Variants in PHF20 observed in about 807,000 individuals in gnomAD.
PHF20 encodes the protein PHD finger protein 20.
In PHF20, 23 loss-of-function variants were observed where a neutral mutation model predicts 113.5. The observed-to-expected ratio is 0.20, with a 90% CI of 0.15 to 0.29. PHF20 has a LOEUF of 0.29. PHF20 is among the 10% of genes least tolerant of loss of function. The probability of loss-of-function intolerance (pLI) is 1.00; values close to 1 mark genes in which losing one functional copy is unlikely to be tolerated. For missense variants in PHF20, 943 were observed against 1,219.6 expected, an observed-to-expected ratio of 0.77 and a Z score of 3.38; for synonymous variants, 434 against 457.3, an observed-to-expected ratio of 0.95 and a Z score of 0.65.
intron 13 of PHF20, among the ~76,000 whole-genome samples, chr20:35,919,807 A>G (rs891697280): frequency 2.0e-5 from 3 of 152,184 alleles, no homozygotes; most frequent in Admixed American, 6.5e-5. Flanking sequence ...TTTAGAAAAC[A>G]CTTTTATTTT....
chr20:35,866,881 GA>G (rs567367217), intron 6 of PHF20, among the ~76,000 whole-genome samples: 59 of 152,142 alleles, frequency 3.9e-4, no homozygotes, highest in Non-Finnish European at 8.1e-4. Flanking sequence ...ATTTAATATA[GA>G]AGGGATGTTT....
intron 6 of PHF20, 91 bp downstream of exon 6, chr20:35,863,491 G>A (rs772655513): frequency 9.8e-5 from 125 of 1,273,976 alleles, no homozygotes; most frequent in Non-Finnish European, 1.1e-4. Context: ...TACGTCAATC[G>A]TTTATTTTTG....
intron 2 of PHF20, among the ~76,000 whole-genome samples, chr20:35,804,010 A>G (rs115786908): frequency 6.6e-6 from 1 of 151,814 alleles, no homozygotes; most frequent in African/African-American, 2.4e-5. Context: ...TAACTTCTGT[A>G]TAGAGTTTTA....
chr20:35,775,115 A>G (rs2041145362), intron 1 of PHF20: 1 of 152,154 alleles, frequency 6.6e-6, no homozygotes, highest in Admixed American at 6.6e-5. Context: ...ACTGCCGTAC[A>G]GTGCACCCTT....
chr20:35,902,880 C>T (rs1160383240), intron 10 of PHF20, among the ~76,000 whole-genome samples: 3 of 152,106 alleles, frequency 2.0e-5, no homozygotes, highest in African/African-American at 7.2e-5. Context: ...CTCTTTATCT[C>T]AGTGAAAGCA....
At chr20:35,911,235 G>A (rs1279233878) in intron 10 of PHF20, among the ~76,000 whole-genome samples, 2 of 151,598 alleles carry the variant, frequency 1.3e-5, no homozygotes, top group Non-Finnish European at 2.9e-5. Context: ...GTAGAGACAG[G>A]GTTTTACCAT....
At chr20:35,805,473 C>T (rs2041864521) in intron 2 of PHF20, among the ~76,000 whole-genome samples, 1 of 151,236 alleles carries the variant, frequency 6.6e-6, no homozygotes, top group South Asian at 2.1e-4. Flanking sequence ...AGCTCCGCCT[C>T]CCGGGTTCAC....
intron 10 of PHF20, among the ~76,000 whole-genome samples, chr20:35,903,672 A>G (rs2055146198): frequency 6.6e-6 from 1 of 152,200 alleles, no homozygotes; most frequent in South Asian, 2.1e-4. Context: ...GAACTAGACC[A>G]TCCATCTTGC....
chr20:35,899,144 A>G (rs1326727230), intron 9 of PHF20, among the ~76,000 whole-genome samples: 1 of 152,102 alleles, frequency 6.6e-6, no homozygotes. Context: ...TTTAAAATAA[A>G]CATGTTGATT....
intron 5 of PHF20, among the ~76,000 whole-genome samples, chr20:35,860,256 T>TC (rs570078698): frequency 0.054 from 8,112 of 150,554 alleles, 289 homozygotes; most frequent in South Asian, 0.19. Context: ...TTTTTTTTTT[T>TC]TTGAGATGGA....
intron 10 of PHF20, among the ~76,000 whole-genome samples, chr20:35,912,285 G>A (rs79782907): frequency 0.016 from 2,500 of 152,194 alleles, 133 homozygotes; most frequent in East Asian, 0.12. Flanking sequence ...GCAATGACTG[G>A]ATTTTTCAAT....
chr20:35,946,851 A>G (rs1041959082), intron 17 of PHF20, among the ~76,000 whole-genome samples: 1 of 152,146 alleles, frequency 6.6e-6, no homozygotes, highest in Non-Finnish European at 1.5e-5. Flanking sequence ...CTGGGACTAC[A>G]GACGGGCACC....
intron 1 of PHF20, among the ~76,000 whole-genome samples, chr20:35,783,298 T>A (rs1028697964): frequency 1.3e-5 from 2 of 152,252 alleles, no homozygotes; most frequent in Admixed American, 6.5e-5. Context: ...TTATTACTTT[T>A]GTTTTATTCC....
At chr20:35,775,210 G>A (rs1170632032) in intron 1 of PHF20, among the ~76,000 whole-genome samples, 1 of 152,074 alleles carries the variant, frequency 6.6e-6, no homozygotes, top group Non-Finnish European at 1.5e-5. Flanking sequence ...TTCTGATTTG[G>A]TAGATCTAGG....
chr20:35,848,858 T>TAA (rs11472341), intron 4 of PHF20, among the ~76,000 whole-genome samples: 32,616 of 133,060 alleles, frequency 0.25, 3,990 homozygotes, highest in South Asian at 0.39. Flanking sequence ...CTCTGTCTCT[T>TAA]AAAAAAAAAA....
At chr20:35,871,890 A>T in intron 9 of PHF20, 61 bp downstream of exon 9, 1 of 1,257,864 alleles carries the variant, frequency 7.9e-7, no homozygotes, top group South Asian at 1.7e-5. Flanking sequence ...TGCTTTGTGA[A>T]CTAAAAAAAA....
chr20:35,906,118 CTGTT>C (rs1172634512), intron 10 of PHF20, among the ~76,000 whole-genome samples: 3 of 152,204 alleles, frequency 2.0e-5, no homozygotes, highest in African/African-American at 7.2e-5. Context: ...ATTGCTACAT[CTGTT>C]TGAGTCGTGC....
rs747414056 is a variant in PHF20 at position 35,863,253 on chromosome 20, A to G, written c.661A>G (p.Lys221Glu). 6.2e-7 allele frequency: 1 copy of G among 1,614,188 alleles called. No individual in the cohort carries two copies. The change falls in exon 6 of 18, where the codon AAG (lysine) becomes GAG (glutamate). Residue 221 changes from lysine to glutamate, a missense_variant. By Grantham distance (56) the Lys-to-Glu change is moderately conservative. Transcript: ENST00000374012. Reference protein sequence around the residue: ...KSLPKNEKEDKENISENDREY... With the variant: ...KSLPKNEKEDEENISENDREY... ...TCTTCCCAAGAACGAGAAGGAAGAC[A>G]AGGAAAACATTTCCGAAAATGACAG...
Position 35,781,095 on chromosome 20 carries a change from C to T in PHF20, c.-33+9016C>T, listed in dbSNP as rs371404825. 9.9e-5 allele frequency among the ~76,000 whole-genome samples: 15 copies of T among 151,684 alleles called. 1 individual carries two copies. The East Asian group carries it at 2.1e-3, about 22-fold the overall frequency. ...CTCGAACCCCTGACCTCAGGTGCTC[C>T]ACCCACCTCGGCCTAAAGTGCTGGG... On this transcript the variant is annotated intron_variant, in intron 1 of 17. Coordinates refer to ENST00000374012, the MANE Select transcript of PHF20 (RefSeq NM_016436.5).
Sources: gnomAD v4.1 joint callset for allele counts (sites outside exome capture counted in the v4.1 genomes callset) on GRCh38, gnomAD v4.1.1 for gene constraint, MANE v1.5 for transcripts, NCBI Gene and HGNC (gene_info 2026-07-23, HGNC 2026-07-21) for gene names.